The following LRP2 variants were observed in gnomAD, a reference collection of about 807,000 sequenced individuals.
The protein encoded by LRP2 is low-density lipoprotein receptor-related protein 2.
A neutral mutation model predicts 531.0 loss-of-function variants in LRP2; 172 were observed. The ratio of observed to expected loss-of-function variants is 0.32; its 90% CI spans 0.29 to 0.37. LRP2 has a LOEUF of 0.37. Ranked by LOEUF, LRP2 falls within the 10% of genes least tolerant of loss-of-function variation. The pLI is 1.00. For synonymous variants in LRP2, 1,992 were observed against 2,027.6 expected (o/e 0.98, Z 0.47); for missense variants, 5,167 against 5,868.3 (o/e 0.88, Z 3.90).
chr2:169,277,343 T>C (rs1559053256), intron 13 of LRP2, among the ~76,000 whole-genome samples: 1 of 152,114 alleles, frequency 6.6e-6, no homozygotes, highest in East Asian at 1.9e-4. Context: ...TAATTCCCAG[T>C]AGGCAACATC....
intron 46 of LRP2, among the ~76,000 whole-genome samples, chr2:169,194,193 C>A (rs1262453592): frequency 6.6e-6 from 1 of 152,154 alleles, no homozygotes; most frequent in Admixed American, 6.5e-5. Flanking sequence ...GAATTACCTA[C>A]TATTTCACAT....
chr2:169,154,954 G>T (rs929593477), intron 65 of LRP2, among the ~76,000 whole-genome samples: 1 of 152,128 alleles, frequency 6.6e-6, no homozygotes, highest in Admixed American at 6.6e-5. Context: ...AGACTAGACT[G>T]CAGACATTCT....
chr2:169,219,507 C>T (rs1357019913), intron 34 of LRP2, among the ~76,000 whole-genome samples: 2 of 152,210 alleles, frequency 1.3e-5, no homozygotes, highest in African/African-American at 4.8e-5. Flanking sequence ...CCTGGCCTCT[C>T]TCCACATCAA....
intron 43 of LRP2, among the ~76,000 whole-genome samples, chr2:169,202,141 T>C (rs1483723942): frequency 1.3e-5 from 2 of 152,170 alleles, no homozygotes; most frequent in Non-Finnish European, 2.9e-5. Flanking sequence ...TCTCAATTTA[T>C]CTCAATCACA....
intron 3 of LRP2, among the ~76,000 whole-genome samples, 189 bp from the exon 4 acceptor site, chr2:169,307,586 T>G (rs920564391): frequency 1.3e-5 from 2 of 152,182 alleles, no homozygotes; most frequent in African/African-American, 4.8e-5. Context: ...CAGAGAATAG[T>G]GTCCACACTC....
At chr2:169,236,575 T>C (rs963830685) in intron 28 of LRP2, among the ~76,000 whole-genome samples, 1 of 152,196 alleles carries the variant, frequency 6.6e-6, no homozygotes, top group Non-Finnish European at 1.5e-5. Flanking sequence ...AGTTATAAAA[T>C]ATAAGTAAAT....
chr2:169,317,621 T>A (rs1684799197), intron 3 of LRP2, among the ~76,000 whole-genome samples: 1 of 152,228 alleles, frequency 6.6e-6, no homozygotes, highest in Non-Finnish European at 1.5e-5. Context: ...CTTTTTTGAG[T>A]TGTGTTTTCT....
chr2:169,362,505 C>G lies in LRP2; in HGVS notation c.-106G>C. 3 of 984,884 alleles carry G rather than the reference C, an allele frequency of 3.0e-6. No homozygotes were observed. Among genetic ancestry groups the G allele is most frequent in the Non-Finnish European group, 4.6e-6 (3 of 645,726 alleles). The allele number at this position is 984,884 out of a possible 1,614,324, so 61.0% of individuals were successfully genotyped here. On this transcript the variant is annotated 5_prime_UTR_variant, in exon 1 of 79. Coordinates refer to ENST00000649046, the MANE Select transcript of LRP2 (RefSeq NM_004525.3). ...TAGCGAACGCTCCTTTAGGTCTGCACCTCCGCCAGCTCCTAGTGGCCAAAA... is the reference window on the plus strand; with the variant it reads ...TAGCGAACGCTCCTTTAGGTCTGCAGCTCCGCCAGCTCCTAGTGGCCAAAA...
chr2:169,238,785 G>A (rs538813694), intron 26 of LRP2, among the ~76,000 whole-genome samples: 4 of 152,188 alleles, frequency 2.6e-5, no homozygotes, highest in East Asian at 1.9e-4. Flanking sequence ...GTTTTAGCTT[G>A]GCACAGACTC....
At chr2:169,132,442 T>G (rs1685327542) in intron 77 of LRP2, 132 bp downstream of exon 77, 1 of 660,634 alleles carries the variant, frequency 1.5e-6, no homozygotes, top group Non-Finnish European at 2.8e-6. Flanking sequence ...AAATTATATT[T>G]ATTAACTGTC....
At chr2:169,150,827 T>C in intron 68 of LRP2, 71 bp downstream of exon 68, 2 of 1,595,776 alleles carry the variant, frequency 1.3e-6, no homozygotes, top group Non-Finnish European at 1.7e-6. Context: ...AAAAAAATTA[T>C]AAGAAACATG....
intron 4 of LRP2, among the ~76,000 whole-genome samples, chr2:169,304,049 T>C (rs562076512): frequency 4.6e-5 from 7 of 152,350 alleles, no homozygotes; most frequent in African/African-American, 9.6e-5. Flanking sequence ...AGAAGGTTCA[T>C]TGGCAAAGTT....
intron 24 of LRP2, among the ~76,000 whole-genome samples, chr2:169,241,640 T>C (rs1391293456): frequency 1.3e-5 from 2 of 152,192 alleles, no homozygotes; most frequent in Admixed American, 1.3e-4. Context: ...AAGAACATCC[T>C]GTTTCCTTTT....
At chr2:169,184,590 T>C (rs1185134969) in intron 50 of LRP2, among the ~76,000 whole-genome samples, 2 of 152,208 alleles carry the variant, frequency 1.3e-5, no homozygotes, top group Admixed American at 1.3e-4. Context: ...TCAATAGAGA[T>C]GTTAAGAAGT....
At position 169,295,880 on chromosome 2, in the gene LRP2, G is replaced by A. The variant is rs763486608; in HGVS notation, c.428-1170C>T. Among the ~76,000 whole-genome samples the A allele has an allele frequency of 1.3e-3, 191 of 152,140 alleles. 1 individual carries two copies. Among genetic ancestry groups the A allele is most frequent in the Non-Finnish European group, 2.4e-3 (164 of 68,006 alleles). ...TGGTCTGACCATCTTCTTCATGAAA[G>A]ATTATTTTTGTAGTGATTATCAGGT... On this transcript the variant is annotated intron_variant, in intron 4 of 78. Transcript: ENST00000649046.
At chr2:169,245,600 CT>C (rs959236932) in intron 21 of LRP2, among the ~76,000 whole-genome samples, 3 of 151,924 alleles carry the variant, frequency 2.0e-5, no homozygotes, top group African/African-American at 4.8e-5. Context: ...TGTCCTCTAT[CT>C]TTTTTTTAAT....
chr2:169,186,488 C>T (rs567097999), intron 49 of LRP2, among the ~76,000 whole-genome samples: 1 of 152,346 alleles, frequency 6.6e-6, no homozygotes, highest in Admixed American at 6.5e-5. Context: ...GTCCCTCTGG[C>T]TGGTCCTGTA....
chr2:169,183,764 G>GGT (rs1431272178), intron 50 of LRP2, among the ~76,000 whole-genome samples: 8 of 152,196 alleles, frequency 5.3e-5, no homozygotes, highest in Admixed American at 5.2e-4. Flanking sequence ...TGTGCGTAAT[G>GGT]GTGGTTTAAA....
chr2:169,311,563 G>C (rs972689808), intron 3 of LRP2, among the ~76,000 whole-genome samples: 1 of 152,210 alleles, frequency 6.6e-6, no homozygotes, highest in Non-Finnish European at 1.5e-5. Flanking sequence ...TGGTCTGAGA[G>C]ACAGTTTGTT....
Sources: gnomAD v4.1 joint callset for allele counts (sites outside exome capture counted in the v4.1 genomes callset) on GRCh38, gnomAD v4.1.1 for gene constraint, MANE v1.5 for transcripts, NCBI Gene and HGNC (gene_info 2026-07-23, HGNC 2026-07-21) for gene names.